NAF1: variants seen among roughly 807,000 people sequenced by gnomAD.
NAF1 encodes nuclear assembly factor 1 ribonucleoprotein.
In NAF1, 11 loss-of-function variants were observed where a neutral mutation model predicts 40.6. The ratio of observed to expected loss-of-function variants is 0.27; its 90% confidence interval spans 0.17 to 0.45. NAF1 has a LOEUF of 0.45. NAF1 is among the 20% of genes least tolerant of loss of function. NAF1 has a pLI of 1.00. For synonymous variants in NAF1, 260 were observed against 228.5 expected (o/e 1.14, Z -1.24); for missense variants, 607 against 611.1 (o/e 0.99, Z 0.07).
At chr4:163,149,801 C>G (rs550273649) in intron 2 of NAF1, among the ~76,000 whole-genome samples, 1 of 152,092 alleles carries the variant, frequency 6.6e-6, no homozygotes, top group Non-Finnish European at 1.5e-5. Context: ...CATTAAATAG[C>G]CTTTTTACAG....
rs2111065466 is a variant in NAF1, at chr4:163,163,789, C to T, written c.540+428G>A. Among the ~76,000 whole-genome samples, 2 of 151,884 alleles carry T rather than the reference C, an allele frequency of 1.3e-5. 1 individual carries two copies. The highest frequency in any genetic ancestry group is 4.2e-4 in the South Asian group (2 of 4,786). On this transcript the variant is annotated intron_variant, in intron 2 of 7. Transcript: ENST00000274054. Reference sequence around the variant, plus strand: ...CATCTTCTACTTCTCTAAATGCAGTCAATTAAAAAGTCAATTGCTATTGAG... The same window carrying T: ...CATCTTCTACTTCTCTAAATGCAGTTAATTAAAAAGTCAATTGCTATTGAG...
At chr4:163,152,808 C>T (rs1244444742) in intron 2 of NAF1, among the ~76,000 whole-genome samples, 1 of 152,236 alleles carries the variant, frequency 6.6e-6, no homozygotes, top group Non-Finnish European at 1.5e-5. Context: ...CAGGCCAAGG[C>T]CAGAGCCGGC....
intron 2 of NAF1, chr4:163,156,881 T>C: frequency 6.6e-6 from 1 of 152,266 alleles, no homozygotes; most frequent in Non-Finnish European, 1.5e-5. Context: ...TTATCTGCCA[T>C]TAGAAATAAC....
At chr4:163,153,040 A>G (rs988721420) in intron 2 of NAF1, among the ~76,000 whole-genome samples, 6 of 152,182 alleles carry the variant, frequency 3.9e-5, no homozygotes, top group African/African-American at 1.4e-4. Flanking sequence ...CCAGCCCAGC[A>G]GCACTGCGCT....
intron 5 of NAF1, among the ~76,000 whole-genome samples, chr4:163,138,665 T>C (rs144647940): frequency 6.6e-6 from 1 of 151,650 alleles, no homozygotes; most frequent in Admixed American, 6.6e-5. Flanking sequence ...GAGAGGGAGG[T>C]TTCTGCAATA....
Position 163,166,833 on chromosome 4 carries a change from C to T in NAF1, c.-106G>A. ...AACTTAGGCAACCGCAGCAACACTG[C>T]CTGGGCCCAACTTCCCGCGTTTCTC... is the stretch of plus-strand genomic sequence containing the variant. On this transcript the variant is annotated 5_prime_UTR_variant, in exon 1 of 8. Coordinates refer to ENST00000274054, the MANE Select transcript of NAF1 (RefSeq NM_138386.3). 6.9e-7 allele frequency: 1 copy of T among 1,447,526 alleles called. No individual in the cohort carries two copies. The highest frequency in any genetic ancestry group is 9.2e-7 in the Non-Finnish European group (1 of 1,086,928). The allele number at this position is 1,447,526 out of a possible 1,614,324, so 89.7% of individuals were successfully genotyped here.
chr4:163,125,665 G>A (rs1370156610), downstream of NAF1, among the ~76,000 whole-genome samples: 1 of 152,220 alleles, frequency 6.6e-6, no homozygotes, highest in East Asian at 1.9e-4. Flanking sequence ...AGATGAAGCT[G>A]TAAGTTATCC....
chr4:163,113,447 AATTAG>A (rs1730227433), intron 2 of NAF1, among the ~76,000 whole-genome samples: 2 of 151,964 alleles, frequency 1.3e-5, no homozygotes, highest in African/African-American at 4.8e-5. Context: ...TCAAAAATGC[AATTAG>A]ACCGTATATC....
At chr4:163,118,826 T>A (rs1234207810) in intron 2 of NAF1, among the ~76,000 whole-genome samples, 1 of 152,182 alleles carries the variant, frequency 6.6e-6, no homozygotes, top group Non-Finnish European at 1.5e-5. Flanking sequence ...CTTGCCCACA[T>A]TAGGAACTGT....
At chr4:163,165,374 C>T (rs1732410164) in intron 1 of NAF1, among the ~76,000 whole-genome samples, 1 of 152,176 alleles carries the variant, frequency 6.6e-6, no homozygotes, top group African/African-American at 2.4e-5. Flanking sequence ...ATTATGACGC[C>T]ATATCCCTTC....
chr4:163,164,374 C>G lies in NAF1; in HGVS notation c.383G>C (p.Ser128Thr). ...TGAAGAGGAAGACGATGAACTTGAA[C>G]TATCTGAATCTGTTTCACTGTAGGG... The part of the protein sequence containing the change: ...SDSDSETDSD[S>T]SSSSSSSSSS... Residue 128 changes from serine to threonine, a missense_variant, in exon 2 of 8, where the codon AGT becomes ACT. Ser to Thr is a moderately conservative substitution (Grantham distance 58). Coordinates refer to ENST00000274054, the MANE Select transcript of NAF1 (RefSeq NM_138386.3). The G allele has an allele frequency of 6.4e-7, 1 of 1,573,454 alleles. No individual in the cohort carries two copies. Among genetic ancestry groups the G allele is most frequent in the Non-Finnish European group, 8.6e-7 (1 of 1,161,328 alleles).
chr4:163,108,427 C>A (rs530906626), downstream of NAF1, among the ~76,000 whole-genome samples: 1 of 152,250 alleles, frequency 6.6e-6, no homozygotes, highest in African/African-American at 2.4e-5. Flanking sequence ...ATAGTTGACA[C>A]CTGGAGAACA....
intron 5 of NAF1, among the ~76,000 whole-genome samples, chr4:163,138,520 C>A (rs1174471415): frequency 6.6e-6 from 1 of 152,056 alleles, no homozygotes; most frequent in African/African-American, 2.4e-5. Context: ...ACATGAGAAA[C>A]TAAGATCAAA....
chr4:163,129,816 T>C (rs1730800354), intron 7 of NAF1, among the ~76,000 whole-genome samples: 1 of 152,144 alleles, frequency 6.6e-6, no homozygotes, highest in African/African-American at 2.4e-5. Context: ...TCTTCCCTCT[T>C]TTACACTGGG....
chr4:163,154,242 TAC>T (rs1465956657), intron 2 of NAF1, among the ~76,000 whole-genome samples: 1 of 152,236 alleles, frequency 6.6e-6, no homozygotes, highest in Non-Finnish European at 1.5e-5. Context: ...TATAGGAACG[TAC>T]AGTTTCCTGT....
At chr4:163,125,456 T>C (rs991253119), downstream of NAF1, among the ~76,000 whole-genome samples, 3 of 152,152 alleles carry the variant, frequency 2.0e-5, no homozygotes, top group African/African-American at 7.2e-5. Context: ...GTTTAAATGG[T>C]CTGGATAAAA....
chr4:163,120,793 A>G (rs987119160), intron 2 of NAF1, among the ~76,000 whole-genome samples: 6 of 152,166 alleles, frequency 3.9e-5, no homozygotes, highest in African/African-American at 1.4e-4. Context: ...GTAATTGCAT[A>G]TATCTAGTCT....
intron 2 of NAF1, among the ~76,000 whole-genome samples, chr4:163,114,414 G>A (rs922138336): frequency 2.0e-5 from 3 of 152,098 alleles, no homozygotes; most frequent in African/African-American, 7.2e-5. Context: ...TGATCAACTC[G>A]AATCCAGAAT....
At chr4:163,163,620 C>G (rs180745161) in intron 2 of NAF1, among the ~76,000 whole-genome samples, 409 of 146,262 alleles carry the variant, frequency 2.8e-3, no homozygotes, top group Non-Finnish European at 3.0e-3. Flanking sequence ...GAGGAAATAA[C>G]CTTGCAAGAG....
Sources: gnomAD v4.1 joint callset for allele counts (sites outside exome capture counted in the v4.1 genomes callset) on GRCh38, gnomAD v4.1.1 for gene constraint, MANE v1.5 for transcripts, NCBI Gene and HGNC (gene_info 2026-07-23, HGNC 2026-07-21) for gene names.